The following ZNF600 variants were observed in gnomAD, a reference collection of about 807,000 sequenced individuals.
The protein encoded by ZNF600 is zinc finger protein 600.
In ZNF600, 4 loss-of-function variants were observed where a neutral mutation model predicts 7.3. The observed-to-expected ratio is 0.55, with a 90% confidence interval of 0.27 to 1.25. The LOEUF (loss-of-function observed/expected upper bound fraction) is 1.25. Ranked by LOEUF, ZNF600 falls within the 50% of genes most tolerant of loss-of-function variation. The pLI, the probability that ZNF600 is intolerant of heterozygous loss-of-function variation, is 0.12. For missense variants in ZNF600, 911 were observed against 922.1 expected (o/e 0.99, Z 0.16); for synonymous variants, 290 against 308.9 (o/e 0.94, Z 0.64).
the ZNF600 span, chr19:52,800,870 T>C: frequency 6.2e-7 from 1 of 1,614,068 alleles, no homozygotes; most frequent in Non-Finnish European, 8.5e-7. Flanking sequence ...ATTTGTATGG[T>C]TTCCCTCCAG....
At chr19:52,792,036 C>A in the ZNF600 span, among the ~76,000 whole-genome samples, 1 of 152,334 alleles carries the variant, frequency 6.6e-6, no homozygotes, top group Non-Finnish European at 1.5e-5. Context: ...GAATAAGAAT[C>A]CCTGCTAAAG....
At chr19:52,810,504 G>C in the ZNF600 span, 1 of 1,588,220 alleles carries the variant, frequency 6.3e-7, no homozygotes, top group East Asian at 2.2e-5. Flanking sequence ...CTATTTAGAG[G>C]AAGGCAAATC....
At chr19:52,818,868 A>G in the ZNF600 span, among the ~76,000 whole-genome samples, 1 of 132,040 alleles carries the variant, frequency 7.6e-6, no homozygotes, top group East Asian at 2.1e-4. Context: ...TGGAGGACAG[A>G]ATGAGAGTCT....
the ZNF600 span, among the ~76,000 whole-genome samples, chr19:52,819,520 T>G: frequency 7.2e-3 from 465 of 64,314 alleles, 139 homozygotes; most frequent in East Asian, 8.7e-3. Context: ...ATCATTTCAG[T>G]GGCCAGGGTC....
At chr19:52,769,113 GGTA>G (rs1445928467) in intron 3 of ZNF600, among the ~76,000 whole-genome samples, 1 of 152,104 alleles carries the variant, frequency 6.6e-6, no homozygotes, top group Non-Finnish European at 1.5e-5. Context: ...ATGGTCTAGT[GGTA>G]GCATCAGTGC....
chr19:52,770,970 A>G lies in ZNF600; in HGVS notation c.191-3198T>C, dbSNP rs375849657. ...TGCCTCAGCCACCCGAGTAGCTGGGATTACAGGCATGTGCAATCATGCCTG... is the reference window on the plus strand; with the variant it reads ...TGCCTCAGCCACCCGAGTAGCTGGGGTTACAGGCATGTGCAATCATGCCTG... On this transcript the variant is annotated intron_variant, in intron 3 of 3. Coordinates refer to ENST00000648973, the Ensembl canonical transcript of ZNF600. Among the ~76,000 whole-genome samples, 9 of 152,158 alleles carry G rather than the reference A, an allele frequency of 5.9e-5. No homozygotes were observed. In the East Asian group the frequency reaches 1.5e-3, roughly 26 times the overall value.
the ZNF600 span, among the ~76,000 whole-genome samples, chr19:52,796,101 G>C: frequency 6.6e-6 from 1 of 152,184 alleles, no homozygotes; most frequent in African/African-American, 2.4e-5. Context: ...CTTGAACCCA[G>C]GAGGTTGAAG....
the ZNF600 span, chr19:52,800,008 C>T: frequency 6.2e-7 from 1 of 1,614,166 alleles, no homozygotes; most frequent in Non-Finnish European, 8.5e-7. Flanking sequence ...AAGGTCTTGC[C>T]ACACTCATTA....
chr19:52,810,667 A>C, the ZNF600 span: 5 of 999,846 alleles, frequency 5.0e-6, no homozygotes, highest in Non-Finnish European at 8.0e-6. Context: ...TCGCGTCTAC[A>C]GGGGCCGGGC....
At chr19:52,810,243 C>T in the ZNF600 span, 10 of 1,231,090 alleles carry the variant, frequency 8.1e-6, no homozygotes, top group Non-Finnish European at 9.6e-6. Context: ...GAATATGAGT[C>T]TACCTCCAGG....
intron 2 of ZNF600, among the ~76,000 whole-genome samples, chr19:52,775,922 C>G (rs10406708): frequency 0.058 from 8,833 of 151,736 alleles, 793 homozygotes; most frequent in African/African-American, 0.2. Flanking sequence ...TGGAGAATTG[C>G]TTGAAACTGG....
chr19:52,832,471 T>C, the ZNF600 span, among the ~76,000 whole-genome samples: 1 of 151,934 alleles, frequency 6.6e-6, no homozygotes, highest in Non-Finnish European at 1.5e-5. Context: ...GGCACATGCC[T>C]GTAATCCCAG....
At chr19:52,817,859 C>G in the ZNF600 span, 1 of 1,597,622 alleles carries the variant, frequency 6.3e-7, no homozygotes, top group Admixed American at 1.7e-5. Context: ...CAGGACACTT[C>G]AGACTCAGAG....
the ZNF600 span, chr19:52,800,450 T>C: frequency 3.7e-6 from 6 of 1,613,506 alleles, no homozygotes; most frequent in African/African-American, 5.3e-5. Flanking sequence ...ATTTGTATGG[T>C]TTCTCTGCAG....
the ZNF600 span, chr19:52,800,190 T>C: frequency 6.2e-7 from 1 of 1,613,492 alleles, no homozygotes; most frequent in Non-Finnish European, 8.5e-7. Flanking sequence ...TTCTTCACAT[T>C]TGTACGGTTT....
the ZNF600 span, among the ~76,000 whole-genome samples, chr19:52,826,609 G>A: frequency 3.1e-4 from 47 of 152,200 alleles, no homozygotes; most frequent in African/African-American, 1.1e-3. Context: ...AGAAGGTTGA[G>A]GTAGGAGAAT....
At chr19:52,810,114 G>A in the ZNF600 span, 2 of 812,602 alleles carry the variant, frequency 2.5e-6, no homozygotes, top group Non-Finnish European at 2.2e-6. Context: ...AGAGGAGGGG[G>A]AGGAGCCGGG....
intron 1 of ZNF600, among the ~76,000 whole-genome samples, chr19:52,785,646 TCTCC>T (rs2062757444): frequency 6.6e-6 from 1 of 151,998 alleles, no homozygotes; most frequent in African/African-American, 2.4e-5. Context: ...TCTCCTCTGC[TCTCC>T]CTATTAAATT....
At chr19:52,788,628 A>G (rs1336106870), upstream of ZNF600, among the ~76,000 whole-genome samples, 1 of 152,034 alleles carries the variant, frequency 6.6e-6, no homozygotes, top group East Asian at 1.9e-4. Flanking sequence ...CCCTCCTGCA[A>G]AAGTCCACAC....
Sources: allele counts gnomAD v4.1 joint callset (sites outside exome capture counted in the v4.1 genomes callset), GRCh38; gene constraint gnomAD v4.1.1; transcripts MANE v1.5; gene names NCBI Gene and HGNC (gene_info 2026-07-23, HGNC 2026-07-21).